Variants in WDR26 observed in about 807,000 individuals in gnomAD.
WDR26 encodes the protein WD repeat-containing protein 26.
A neutral mutation model predicts 84.1 loss-of-function variants in WDR26; 5 were observed. The observed-to-expected ratio is 0.06, with a 90% confidence interval of 0.03 to 0.13. The LOEUF is 0.13. Among genes scored for constraint, WDR26 ranks in the 10% least tolerant of loss-of-function variants. WDR26 has a pLI of 1.00. For missense variants in WDR26, 642 were observed against 974.9 expected (o/e 0.66, Z 4.55); for synonymous variants, 415 against 389.6 (o/e 1.07, Z -0.77).
Position 224,434,010 on chromosome 1 carries a change from G to A in WDR26, c.396C>T (p.Leu132=), listed in dbSNP as rs1674512819. The A allele has an allele frequency of 6.6e-7, 1 of 1,507,962 alleles. No homozygotes were observed. The allele number at this position is 1,507,962 out of a possible 1,614,324, so 93.4% of individuals were successfully genotyped here. A position where few individuals can be genotyped will look rare whatever the true frequency, so the allele number is the denominator to read the frequency against. Residue 132 remains leucine, a synonymous_variant, in exon 1 of 14, where the codon CTC becomes CTT. Transcript: ENST00000414423. ...CCCCGTTCTGGGCCGACAAGCAGGC[G>A]AGTTCCGGGGTCTGTCCCTGGCCCC...
At chr1:224,411,704 C>A in intron 6 of WDR26, 139 bp from the exon 7 acceptor site, 3 of 727,548 alleles carry the variant, frequency 4.1e-6, no homozygotes, top group Non-Finnish European at 4.1e-6. Context: ...ATTTGTAAAT[C>A]TTTTTTTTTT....
At chr1:224,403,873 G>T in intron 8 of WDR26, among the ~76,000 whole-genome samples, 1 of 152,142 alleles carries the variant, frequency 6.6e-6, no homozygotes, top group Admixed American at 6.5e-5. Context: ...GGAGGTGGAG[G>T]CTGCAGTGAG....
In WDR26 at chr1:224,385,516, T is replaced by C. The variant is rs1291791599; in HGVS notation, c.*4319A>G. ...TGAAGAACACAATCTTTTGAAACAT[T>C]TAATCAGTCCATAGCAAATAGTTAT... On this transcript the variant is annotated 3_prime_UTR_variant, in exon 14 of 14. Transcript: ENST00000414423. The C allele has an allele frequency of 3.9e-5, 6 of 152,610 alleles. No individual in the cohort carries two copies. The South Asian group carries it at 8.3e-4, about 21-fold the overall frequency. 9.5% of individuals were successfully genotyped at this position (152,610 alleles called of 1,614,324 possible). A position where few individuals can be genotyped will look rare whatever the true frequency, so the allele number is the denominator to read the frequency against.
chr1:224,415,107 A>G (rs1339264548), intron 6 of WDR26, among the ~76,000 whole-genome samples: 1 of 152,250 alleles, frequency 6.6e-6, no homozygotes, highest in East Asian at 1.9e-4. Context: ...GACTGTGTAT[A>G]TAACGTAATG....
intron 4 of WDR26, among the ~76,000 whole-genome samples, chr1:224,423,424 G>A (rs887230354): frequency 2.0e-5 from 3 of 152,184 alleles, no homozygotes; most frequent in Admixed American, 6.5e-5. Context: ...TTTGTTGAGT[G>A]CATTTATCAT....
intron 1 of WDR26, among the ~76,000 whole-genome samples, chr1:224,432,980 G>A (rs1674441833): frequency 6.6e-6 from 1 of 152,160 alleles, no homozygotes; most frequent in Admixed American, 6.5e-5. Context: ...CAGATCAGAT[G>A]TCCCCTTTTC....
At chr1:224,421,977 T>G (rs1332591896) in intron 4 of WDR26, among the ~76,000 whole-genome samples, 1 of 152,216 alleles carries the variant, frequency 6.6e-6, no homozygotes. Flanking sequence ...TCCATCATTT[T>G]GTATTTACAA....
At chr1:224,404,713 G>T in intron 7 of WDR26, 143 bp from the exon 8 acceptor site, 1 of 936,108 alleles carries the variant, frequency 1.1e-6, no homozygotes, top group Non-Finnish European at 1.5e-6. Flanking sequence ...TTAACAGCTT[G>T]CTTCATAAAG....
At chr1:224,431,198 T>G (rs565974369) in intron 3 of WDR26, 5 of 283,250 alleles carry the variant, frequency 1.8e-5, no homozygotes, top group Non-Finnish European at 3.4e-5. Flanking sequence ...TTTAACTCTA[T>G]AAATATAAAA....
chr1:224,426,697 T>A (rs1674219623), intron 3 of WDR26, among the ~76,000 whole-genome samples: 1 of 151,444 alleles, frequency 6.6e-6, no homozygotes, highest in East Asian at 1.9e-4. Flanking sequence ...AATAAAAGAA[T>A]TTTATATTTG....
chr1:224,434,732 T>C lies in WDR26; in HGVS notation c.-327A>G. The C allele has an allele frequency of 1.0e-6, 1 of 985,538 alleles. No individual in the cohort carries two copies. The highest frequency in any genetic ancestry group is 1.2e-6 in the Non-Finnish European group (1 of 830,036). 61.0% of individuals were successfully genotyped at this position (985,538 alleles called of 1,614,324 possible). A position where few individuals can be genotyped will look rare whatever the true frequency, so the allele number is the denominator to read the frequency against. ...GGCGGCAGCGGAGGCAGCTGCCGCCTCTGTCCTCGGATCCGCTCCGCTCTG... is the reference window on the plus strand; with the variant it reads ...GGCGGCAGCGGAGGCAGCTGCCGCCCCTGTCCTCGGATCCGCTCCGCTCTG... On this transcript the variant is annotated 5_prime_UTR_variant, in exon 1 of 14. Transcript: ENST00000414423.
intron 8 of WDR26, among the ~76,000 whole-genome samples, chr1:224,401,271 A>G (rs1673405241): frequency 1.3e-5 from 2 of 152,188 alleles, no homozygotes; most frequent in Admixed American, 6.5e-5. Flanking sequence ...GCAGTTGAAC[A>G]ATGTCTGGCA....
chr1:224,404,220 C>T (rs1572173699), intron 8 of WDR26, among the ~76,000 whole-genome samples: 2 of 152,296 alleles, frequency 1.3e-5, no homozygotes, highest in East Asian at 3.9e-4. Context: ...CCTGAAAACA[C>T]TTACTGATCA....
Position 224,433,917 on chromosome 1 carries a change from G to T in WDR26, c.489C>A (p.Ala163=). The T allele has an allele frequency of 2.0e-6, 3 of 1,536,530 alleles. No homozygotes were observed. Among genetic ancestry groups the T allele is most frequent in the Non-Finnish European group, 2.6e-6 (3 of 1,146,676 alleles). The change falls in exon 1 of 14, where the codon GCC becomes GCA. Residue 163 remains alanine (A), a synonymous_variant. Transcript: ENST00000414423. Reference sequence around the variant, plus strand: ...TGCTATTGTTGCTGGCGGCGGAGGGGGCGGAAGGCAGGAGCCCATTGGCGT... The same window carrying T: ...TGCTATTGTTGCTGGCGGCGGAGGGTGCGGAAGGCAGGAGCCCATTGGCGT...
At position 224,434,227 on chromosome 1, in the gene WDR26, G is replaced by GAGA; in HGVS notation, c.178_179insTCT (p.Ser59_Ser60insPhe). On this transcript the variant is annotated inframe_insertion, in exon 1 of 14. Transcript: ENST00000414423. ...CACGGAGGAGGAGGAGGAGGAGGAG[G>GAGA]ACGAGGACGACGAGGACGGAGGGGA... 7.2e-7 allele frequency: 1 copy of GAGA among 1,388,212 alleles called. No individual in the cohort carries two copies. The allele number at this position is 1,388,212 out of a possible 1,614,324, so 86.0% of individuals were successfully genotyped here.
chr1:224,394,528 G>A (rs1240076904), intron 12 of WDR26, among the ~76,000 whole-genome samples: 3 of 150,350 alleles, frequency 2.0e-5, no homozygotes, highest in South Asian at 2.1e-4. Context: ...TCTTTGAGAC[G>A]GAGTCTCACT....
intron 8 of WDR26, chr1:224,402,164 G>C (rs763656715): frequency 4.6e-5 from 7 of 152,196 alleles, no homozygotes; most frequent in Non-Finnish European, 8.8e-5. Flanking sequence ...CAAAGGGTAT[G>C]ATTAGGAAAT....
chr1:224,391,375 A>C lies in WDR26; in HGVS notation c.2261-1515T>G, dbSNP rs10916611. On this transcript the variant is annotated intron_variant, in intron 13 of 13. Coordinates refer to ENST00000414423, the MANE Select transcript of WDR26 (RefSeq NM_001379403.1). ...CAAAACTCTGTCTCAAAAAAAAAAA[A>C]AAAAAAAACAAAAAAAAAACCTTAA... Among the ~76,000 whole-genome samples, 152 of 31,530 alleles carry C rather than the reference A, an allele frequency of 4.8e-3. 1 individual carries two copies. Among genetic ancestry groups the C allele is most frequent in the East Asian group, 0.01 (7 of 684 alleles). The allele number at this position is 31,530 out of a possible 152,430, so 20.7% of individuals were successfully genotyped here. A position where few individuals can be genotyped will look rare whatever the true frequency, so the allele number is the denominator to read the frequency against.
intron 8 of WDR26, 101 bp from the exon 9 acceptor site, chr1:224,401,170 T>C (rs1673402418): frequency 8.3e-7 from 1 of 1,211,688 alleles, no homozygotes; most frequent in Non-Finnish European, 1.1e-6. Context: ...GGTTTCCCAG[T>C]TCATTCTAAG....
Sources: allele counts gnomAD v4.1 joint callset (sites outside exome capture counted in the v4.1 genomes callset), GRCh38; gene constraint gnomAD v4.1.1; transcripts MANE v1.5; gene names NCBI Gene and HGNC (gene_info 2026-07-23, HGNC 2026-07-21).